The following CA12 variants were observed in gnomAD, a reference collection of about 807,000 sequenced individuals.
CA12 encodes the protein carbonic anhydrase 12, also known as carbonate dehydratase XII.
A neutral mutation model predicts 46.8 loss-of-function variants in CA12; 36 were observed. The observed-to-expected ratio is 0.77, with a 90% CI of 0.59 to 1.02. The LOEUF is 1.02. Among genes scored for constraint, CA12 ranks in the 50% least tolerant of loss-of-function variants. CA12 has a pLI of 0.00. For missense variants in CA12, 436 were observed against 451.4 expected (o/e 0.97, Z 0.31); for synonymous variants, 202 against 187.0 (o/e 1.08, Z -0.65).
intron 8 of CA12, among the ~76,000 whole-genome samples, chr15:63,336,010 G>A (rs796930566): frequency 1.4e-4 from 21 of 152,296 alleles, no homozygotes; most frequent in African/African-American, 4.3e-4. Flanking sequence ...TTCTGGCCAA[G>A]CTTCTATAAT....
In CA12 at chr15:63,340,846, G is replaced by A. The variant is rs904095530; in HGVS notation, c.526-63C>T. ...CAGGATAGGCTGAGCCAGGATTGAC[G>A]ATTGCTATCAGAAGGGCAAAGCTGT... On this transcript the variant is annotated intron_variant, in intron 5 of 10. Transcript: ENST00000178638. This position sits in a 1 kb window ranked among gnomAD's most constrained non-coding sequence, Gnocchi z 4.4. 19 of 1,446,744 alleles carry A rather than the reference G, an allele frequency of 1.3e-5. No individual in the cohort carries two copies. The highest frequency in any genetic ancestry group is 1.7e-5 in the Admixed American group (1 of 59,342). 89.6% of individuals were successfully genotyped at this position (1,446,744 alleles called of 1,614,324 possible).
chr15:63,368,160 C>T (rs1483812155), intron 2 of CA12, among the ~76,000 whole-genome samples: 1 of 152,204 alleles, frequency 6.6e-6, no homozygotes. Flanking sequence ...TATTTCATTG[C>T]TTCTCAATGC....
In CA12 at chr15:63,323,689, C is replaced by T. The variant is rs545094971; in HGVS notation, c.*2596G>A. ...GGTGCTGCAGACACCAGTGCTTCTC[C>T]AGGGCTGGCCAGGACACCTTCAGAG... On this transcript the variant is annotated 3_prime_UTR_variant, in exon 11 of 11. Transcript: ENST00000178638. The surrounding 1 kb of genome is among the most constrained non-coding windows in gnomAD (Gnocchi z 5.1). 2 of 152,878 alleles carry T rather than the reference C, an allele frequency of 1.3e-5. No individual in the cohort carries two copies. Among genetic ancestry groups the T allele is most frequent in the Admixed American group, 6.5e-5 (1 of 15,304 alleles). The allele number at this position is 152,878 out of a possible 1,614,324, so 9.5% of individuals were successfully genotyped here. A position where few individuals can be genotyped will look rare whatever the true frequency, so the allele number is the denominator to read the frequency against.
rs142984516 is a variant in CA12 at position 63,344,367 on chromosome 15, C to T, written c.429+1110G>A. 3.7e-3 allele frequency among the ~76,000 whole-genome samples: 567 copies of T among 152,340 alleles called. 7 individuals are homozygous for T. The highest frequency in any genetic ancestry group is 0.013 in the African/African-American group (543 of 41,580). On this transcript the variant is annotated intron_variant, in intron 4 of 10. Coordinates refer to ENST00000178638, the MANE Select transcript of CA12 (RefSeq NM_001218.5). ...GGCACAGACTTGTCTCCCTGTCTCC[C>T]GGGCATGTGTCCTTAACCTTGGCAA...
At chr15:63,343,713 C>G (rs2039111005) in intron 4 of CA12, among the ~76,000 whole-genome samples, 2 of 152,278 alleles carry the variant, frequency 1.3e-5, no homozygotes, top group South Asian at 4.1e-4. Flanking sequence ...TAACCAGACT[C>G]TTGGTCTGAT....
At chr15:63,358,289 TG>T (rs1357744356) in intron 2 of CA12, among the ~76,000 whole-genome samples, 2 of 152,188 alleles carry the variant, frequency 1.3e-5, no homozygotes, top group Non-Finnish European at 2.9e-5. Flanking sequence ...AATGAGGGCC[TG>T]GGGTCAACAA....
Position 63,322,777 on chromosome 15 carries a change from CAGAGCAGGG to C in CA12, c.*3499_*3507del, listed in dbSNP as rs1475447826. On this transcript the variant is annotated 3_prime_UTR_variant, in exon 11 of 11. Transcript: ENST00000178638. This position sits in a 1 kb window ranked among gnomAD's most constrained non-coding sequence, Gnocchi z 4.1. ...GTGGCCATGACACCTGGCAGGATGCCAGAGCAGGGAGAGCAGAAGCATCCTGTGTTCTAG... is the reference window on the plus strand; with the variant it reads ...GTGGCCATGACACCTGGCAGGATGCCAGAGCAGAAGCATCCTGTGTTCTAG... 6.6e-6 allele frequency: 1 copy of C among 152,262 alleles called. No individual in the cohort carries two copies. Among genetic ancestry groups the C allele is most frequent in the Non-Finnish European group, 1.5e-5 (1 of 68,076 alleles). 9.4% of individuals were successfully genotyped at this position (152,262 alleles called of 1,614,324 possible). A position where few individuals can be genotyped will look rare whatever the true frequency, so the allele number is the denominator to read the frequency against.
rs2038917653 is a variant in CA12, at chr15:63,330,125, G to GCCAGACTCCCTGC, written c.875-2008_875-1996dup. ...CCCAAGTGGCAGAGTGGCTCCACTG[G>GCCAGACTCCCTGC]CCAGACTCCCTGCCCCAGGCCTCTT... On this transcript the variant is annotated intron_variant, in intron 8 of 10. Coordinates refer to ENST00000178638, the MANE Select transcript of CA12 (RefSeq NM_001218.5). This position sits in a 1 kb window ranked among gnomAD's most constrained non-coding sequence, Gnocchi z 4.0. 6.6e-6 allele frequency among the ~76,000 whole-genome samples: 1 copy of GCCAGACTCCCTGC among 152,208 alleles called. No individual in the cohort carries two copies.
At position 63,355,372 on chromosome 15, in the gene CA12, G is replaced by T. The variant is rs1184764454; in HGVS notation, c.107-8663C>A. On this transcript the variant is annotated intron_variant, in intron 2 of 10. Transcript: ENST00000178638. The surrounding 1 kb of genome is among the most constrained non-coding windows in gnomAD (Gnocchi z 4.1). ...TATTGTCTGCCTTTCCACCCCAGTAGTCCAGTGGTTCTCAAAGCGTGGCTC... is the reference window on the plus strand; with the variant it reads ...TATTGTCTGCCTTTCCACCCCAGTATTCCAGTGGTTCTCAAAGCGTGGCTC... Among the ~76,000 whole-genome samples, 1 of 152,202 alleles carries T rather than the reference G, an allele frequency of 6.6e-6. No individual in the cohort carries two copies. Among genetic ancestry groups the T allele is most frequent in the Non-Finnish European group, 1.5e-5 (1 of 68,026 alleles).
chr15:63,333,964 G>C (rs747672413), intron 8 of CA12, among the ~76,000 whole-genome samples: 13 of 152,174 alleles, frequency 8.5e-5, no homozygotes, highest in Non-Finnish European at 1.8e-4. Flanking sequence ...ATTTTTGTCT[G>C]ATGGGCTCTT....
At chr15:63,344,463 G>A (rs2039120148) in intron 4 of CA12, among the ~76,000 whole-genome samples, 1 of 152,218 alleles carries the variant, frequency 6.6e-6, no homozygotes, top group Non-Finnish European at 1.5e-5. Context: ...CATGGGGGAA[G>A]CAGAAGTCTC....
Position 63,339,274 on chromosome 15 carries a change from G to T in CA12, c.748-329C>A, listed in dbSNP as rs1178330619. Among the ~76,000 whole-genome samples, 1 of 138,342 alleles carries T rather than the reference G, an allele frequency of 7.2e-6. No homozygotes were observed. The highest frequency in any genetic ancestry group is 2.5e-5 in the African/African-American group (1 of 40,290). The allele number at this position is 138,342 out of a possible 152,430, so 90.8% of individuals were successfully genotyped here. A position where few individuals can be genotyped will look rare whatever the true frequency, so the allele number is the denominator to read the frequency against. ...TGGAGTGCTCCTTAACCTCCACAGA[G>T]ACTGAGTTCCTCTCATGAACTTAAA... On this transcript the variant is annotated intron_variant, in intron 7 of 10. Coordinates refer to ENST00000178638, the MANE Select transcript of CA12 (RefSeq NM_001218.5). The surrounding 1 kb of genome is among the most constrained non-coding windows in gnomAD (Gnocchi z 4.3).
chr15:63,379,620 T>C (rs1346811873), intron 1 of CA12, among the ~76,000 whole-genome samples: 1 of 152,188 alleles, frequency 6.6e-6, no homozygotes, highest in East Asian at 1.9e-4. Flanking sequence ...TGAAACCTGT[T>C]AGAACCTGCA....
chr15:63,342,509 G>A (rs1448134696), intron 4 of CA12, among the ~76,000 whole-genome samples: 2 of 152,180 alleles, frequency 1.3e-5, no homozygotes, highest in Admixed American at 6.5e-5. Flanking sequence ...ATCATGCAGA[G>A]GAAGAATACA....
intron 2 of CA12, among the ~76,000 whole-genome samples, chr15:63,367,187 C>T (rs2039447447): frequency 6.6e-6 from 1 of 152,222 alleles, no homozygotes; most frequent in East Asian, 1.9e-4. Flanking sequence ...TCCCAAGGTG[C>T]TGGGATTACA....
At chr15:63,377,487 A>T (rs4984242) in intron 1 of CA12, among the ~76,000 whole-genome samples, 103,326 of 130,210 alleles carry the variant, frequency 0.79, 38,757 homozygotes, top group Non-Finnish European at 0.85. Context: ...CTTTTTTTTT[A>T]AAAAAAAGCC....
chr15:63,340,370 CG>C lies in CA12; in HGVS notation c.664del (p.Arg222GlyfsTer4), dbSNP rs2039061889. The C allele has an allele frequency of 6.2e-7, 1 of 1,614,118 alleles. No individual in the cohort carries two copies. ...GCAAGGGGGTGTGGTCAGGGACCCC[CG>C]GTAGCGGTAATATTCAGCGGTCCTC... ...PERTAEYYRY[R>X]GSLTTPPCNP... On this transcript the variant is annotated frameshift_variant, in exon 7 of 11. Coordinates refer to ENST00000178638, the MANE Select transcript of CA12 (RefSeq NM_001218.5). LOFTEE classifies it high-confidence loss of function. The surrounding 1 kb of genome is among the most constrained non-coding windows in gnomAD (Gnocchi z 4.4).
intron 2 of CA12, among the ~76,000 whole-genome samples, chr15:63,347,825 T>C (rs533005000): frequency 6.6e-6 from 1 of 152,284 alleles, no homozygotes; most frequent in South Asian, 2.1e-4. Context: ...GGGATCAAGC[T>C]TTGCCATCTG....
intron 2 of CA12, among the ~76,000 whole-genome samples, chr15:63,362,305 T>C (rs1448738356): frequency 6.6e-6 from 1 of 152,228 alleles, no homozygotes; most frequent in Non-Finnish European, 1.5e-5. Flanking sequence ...TTCCTTTTAA[T>C]AGACAAAGGA....
Sources: gnomAD v4.1 joint callset for allele counts (sites outside exome capture counted in the v4.1 genomes callset) on GRCh38, gnomAD v4.1.1 for gene constraint, Gnocchi (gnomAD v3.1) non-coding constraint, MANE v1.5 for transcripts, NCBI Gene and HGNC (gene_info 2026-07-23, HGNC 2026-07-21) for gene names.